Variants in MTFR1 observed in about 807,000 individuals in gnomAD.
MTFR1 encodes chondrocyte protein with a poly-proline region.
Under a neutral mutation model 38.8 loss-of-function variants are expected in MTFR1, and 28 were observed. That is an observed-to-expected ratio of 0.72 (90% CI 0.53 to 0.99). The LOEUF (loss-of-function observed/expected upper bound fraction) is 0.99. MTFR1 is among the 50% of genes least tolerant of loss of function. The probability of loss-of-function intolerance (pLI) is 0.00; values close to 1 mark genes in which losing one functional copy is unlikely to be tolerated. For synonymous variants in MTFR1, 145 were observed against 137.0 expected (o/e 1.06, Z -0.41); for missense variants, 358 against 395.5 (o/e 0.91, Z 0.81).
At chr8:65,653,861 TTGAGACCAGCCTGGGCAACATAG>T (rs1809186372) in intron 1 of MTFR1, among the ~76,000 whole-genome samples, 1 of 151,976 alleles carries the variant, frequency 6.6e-6, no homozygotes, top group African/African-American at 2.4e-5. Context: ...AGCCAGGAGT[TTGAGACCAGCCTGGGCAACATAG>T]TGAGACCCCA....
chr8:65,776,594 A>C, the MTFR1 span, among the ~76,000 whole-genome samples: 1 of 152,160 alleles, frequency 6.6e-6, no homozygotes, highest in Non-Finnish European at 1.5e-5. Context: ...AATCACTTAC[A>C]GTTTTCTATG....
intron 3 of MTFR1, among the ~76,000 whole-genome samples, chr8:65,741,306 G>A (rs576429512): frequency 1.2e-4 from 18 of 151,962 alleles, no homozygotes; most frequent in African/African-American, 3.4e-4. Context: ...GTATTCTCTC[G>A]TCTATGATGA....
At chr8:65,700,034 G>A (rs888708919) in intron 4 of MTFR1, among the ~76,000 whole-genome samples, 7 of 151,754 alleles carry the variant, frequency 4.6e-5, no homozygotes, top group African/African-American at 1.5e-4. Context: ...CAAATGCACC[G>A]AACTTGAGAT....
downstream of MTFR1, among the ~76,000 whole-genome samples, chr8:65,774,899 C>A (rs536928738): frequency 8.5e-5 from 13 of 152,054 alleles, no homozygotes; most frequent in Non-Finnish European, 1.9e-4. Flanking sequence ...TCCACTGTAT[C>A]CTTGAGAGAG....
rs1805907716 is a variant in MTFR1 at position 65,710,292 on chromosome 8, T to C, written c.*1248T>C. The C allele has an allele frequency of 6.6e-6, 1 of 152,244 alleles. No homozygotes were observed. The highest frequency in any genetic ancestry group is 1.5e-5 in the Non-Finnish European group (1 of 68,016). 9.4% of individuals were successfully genotyped at this position (152,244 alleles called of 1,614,324 possible). A position where few individuals can be genotyped will look rare whatever the true frequency, so the allele number is the denominator to read the frequency against. On this transcript the variant is annotated 3_prime_UTR_variant, in exon 8 of 8. Coordinates refer to ENST00000262146, the MANE Select transcript of MTFR1 (RefSeq NM_014637.4). ...AAAATATATGCATTCTCCTAAATAT[T>C]AACAAAAATGATTTGGGGAAATGAC... is the stretch of plus-strand genomic sequence containing the variant.
chr8:65,709,420 A>G lies in MTFR1; in HGVS notation c.*376A>G, dbSNP rs1805880326. ...AAGTGTTTTATATGCATATTTTTGGACATAAACAGTTTATGTAAAATTAGT... is the reference window on the plus strand; with the variant it reads ...AAGTGTTTTATATGCATATTTTTGGGCATAAACAGTTTATGTAAAATTAGT... On this transcript the variant is annotated 3_prime_UTR_variant, in exon 8 of 8. Coordinates refer to ENST00000262146, the MANE Select transcript of MTFR1 (RefSeq NM_014637.4). 6.1e-6 allele frequency: 1 copy of G among 163,672 alleles called. No individual in the cohort carries two copies. The highest frequency in any genetic ancestry group is 6.2e-5 in the Admixed American group (1 of 16,176). The allele number at this position is 163,672 out of a possible 1,614,324, so 10.1% of individuals were successfully genotyped here. A position where few individuals can be genotyped will look rare whatever the true frequency, so the allele number is the denominator to read the frequency against.
At chr8:65,671,597 T>G (rs1332547662) in intron 2 of MTFR1, among the ~76,000 whole-genome samples, 1 of 151,760 alleles carries the variant, frequency 6.6e-6, no homozygotes, top group Non-Finnish European at 1.5e-5. Flanking sequence ...TAGTGTGGAT[T>G]GACATTTTAG....
In MTFR1 at chr8:65,762,991, A is replaced by ATGTGTGTGTG. The variant is rs34371328; in HGVS notation, c.*49-7918_*49-7909dup. On this transcript the variant is annotated intron_variant, in intron 3 of 3. Coordinates refer to the MTFR1 transcript ENST00000521247. ...ATCTCTTTATATTTATATAAAAACA[A>ATGTGTGTGTG]TGTGTGTGTGTGTGTGTGTGTGTGT... Among the ~76,000 whole-genome samples the ATGTGTGTGTG allele has an allele frequency of 5.1e-5, 7 of 138,612 alleles. No homozygotes were observed. The South Asian group carries it at 7.3e-4, about 14-fold the overall frequency. 90.9% of individuals were successfully genotyped at this position (138,612 alleles called of 152,430 possible). A position where few individuals can be genotyped will look rare whatever the true frequency, so the allele number is the denominator to read the frequency against.
intron 3 of MTFR1, chr8:65,727,425 C>T (rs1340658887): frequency 5.8e-6 from 8 of 1,386,190 alleles, no homozygotes; most frequent in Non-Finnish European, 7.7e-6. Context: ...CACGTCATTC[C>T]TCAGGTGGTT....
chr8:65,735,345 G>A (rs1423325604), intron 3 of MTFR1, among the ~76,000 whole-genome samples: 2 of 152,102 alleles, frequency 1.3e-5, no homozygotes, highest in African/African-American at 4.8e-5. Context: ...ATCTCACTTC[G>A]TTGCCCAGGC....
chr8:65,732,429 A>T (rs1412741912), intron 3 of MTFR1, among the ~76,000 whole-genome samples: 1 of 152,222 alleles, frequency 6.6e-6, no homozygotes, highest in Admixed American at 6.5e-5. Context: ...TTGCACCAGG[A>T]TAGAGCCTGG....
chr8:65,750,163 A>G (rs1008886301), intron 3 of MTFR1, among the ~76,000 whole-genome samples: 5 of 152,232 alleles, frequency 3.3e-5, no homozygotes, highest in Non-Finnish European at 4.4e-5. Context: ...CATCCTGTGA[A>G]GAAGGCAAAG....
Position 65,710,470 on chromosome 8 carries a change from T to C in MTFR1, c.*1426T>C, listed in dbSNP as rs1805912045. On this transcript the variant is annotated 3_prime_UTR_variant, in exon 8 of 8. Transcript: ENST00000262146. ...CGTATTTTGACCTAAAAGAAACATA[T>C]TTTTGTATCAGTATTGAATTTTGGA... 1 of 152,622 alleles carries C rather than the reference T, an allele frequency of 6.6e-6. No homozygotes were observed. Among genetic ancestry groups the C allele is most frequent in the Admixed American group, 6.5e-5 (1 of 15,272 alleles). 9.5% of individuals were successfully genotyped at this position (152,622 alleles called of 1,614,324 possible). A position where few individuals can be genotyped will look rare whatever the true frequency, so the allele number is the denominator to read the frequency against.
At chr8:65,720,237 G>C (rs2129063477) in intron 3 of MTFR1, among the ~76,000 whole-genome samples, 1 of 152,266 alleles carries the variant, frequency 6.6e-6, no homozygotes, top group Non-Finnish European at 1.5e-5. Flanking sequence ...TTAATACTAA[G>C]TAGTATCTTA....
At chr8:65,682,974 G>A (rs1423262683) in intron 3 of MTFR1, 17 of 954,088 alleles carry the variant, frequency 1.8e-5, no homozygotes, top group Non-Finnish European at 2.1e-5. Flanking sequence ...TGAGGTGATA[G>A]TCAAACCGTG....
chr8:65,762,617 C>T (rs1039759391), intron 3 of MTFR1, among the ~76,000 whole-genome samples: 1 of 152,098 alleles, frequency 6.6e-6, no homozygotes, highest in African/African-American at 2.4e-5. Context: ...ATAATATATG[C>T]AGTATGTCTT....
chr8:65,653,327 T>C (rs9298104), intron 1 of MTFR1, among the ~76,000 whole-genome samples: 129,049 of 152,066 alleles, frequency 0.85, 54,970 homozygotes, highest in African/African-American at 0.88. Context: ...GCCTGACCAG[T>C]GTGGTGAAAC....
chr8:65,713,881 TTTCGCCATG>T (rs1806028756), downstream of MTFR1, among the ~76,000 whole-genome samples: 2 of 151,838 alleles, frequency 1.3e-5, no homozygotes, highest in Admixed American at 1.3e-4. Flanking sequence ...AGAGATGGGG[TTTCGCCATG>T]TTGGCCAGGT....
intron 3 of MTFR1, 184 bp downstream of exon 3, chr8:65,682,635 A>G (rs1804936793): frequency 1.7e-6 from 1 of 573,064 alleles, no homozygotes; most frequent in Non-Finnish European, 2.2e-6. Flanking sequence ...CTGTGACGTG[A>G]TTGAGATTTT....
Sources: gnomAD v4.1 joint callset for allele counts (sites outside exome capture counted in the v4.1 genomes callset) on GRCh38, gnomAD v4.1.1 for gene constraint, MANE v1.5 for transcripts, NCBI Gene and HGNC (gene_info 2026-07-23, HGNC 2026-07-21) for gene names.